The following THADA variants were observed in gnomAD, a reference collection of about 807,000 sequenced individuals.
THADA encodes the protein tRNA (32-2'-O)-methyltransferase regulator THADA.
Under a neutral mutation model 219.8 loss-of-function variants are expected in THADA, and 213 were observed. The ratio of observed to expected loss-of-function variants is 0.97; its 90% CI spans 0.87 to 1.09. The LOEUF is 1.09. THADA is among the 50% of genes least tolerant of loss of function. The pLI is 0.00. For missense variants in THADA, 2,956 were observed against 2,311.3 expected (o/e 1.28, Z -5.72); for synonymous variants, 1,018 against 828.9 (o/e 1.23, Z -3.92).
At chr2:43,270,020 C>T (rs892494884) in intron 36 of THADA, among the ~76,000 whole-genome samples, 2 of 152,190 alleles carry the variant, frequency 1.3e-5, no homozygotes, top group East Asian at 3.8e-4. Flanking sequence ...ATCTTCTCTG[C>T]CCTTACCCCA....
chr2:43,279,904 G>T lies in THADA; in HGVS notation c.5165-8C>A. On this transcript the variant is annotated splice_polypyrimidine_tract_variant and splice_region_variant and intron_variant, in intron 35 of 37. Transcript: ENST00000405975. Reference sequence around the variant, plus strand: ...CAAGTGTATCCTGCAACTCTAAGAAGACCAAAAGGAATCTGAATTACCTAG... The same window carrying T: ...CAAGTGTATCCTGCAACTCTAAGAATACCAAAAGGAATCTGAATTACCTAG... 1 of 1,506,668 alleles carries T rather than the reference G, an allele frequency of 6.6e-7. No homozygotes were observed. The highest frequency in any genetic ancestry group is 1.4e-5 in the African/African-American group (1 of 70,052). The allele number at this position is 1,506,668 out of a possible 1,614,324, so 93.3% of individuals were successfully genotyped here.
At chr2:43,515,308 A>T (rs1691518902) in intron 22 of THADA, among the ~76,000 whole-genome samples, 1 of 53,318 alleles carries the variant, frequency 1.9e-5, no homozygotes, top group Non-Finnish European at 3.2e-5. Context: ...AATATGTAAT[A>T]TATAATATTT....
intron 29 of THADA, among the ~76,000 whole-genome samples, chr2:43,384,908 A>G (rs904226688): frequency 3.3e-5 from 5 of 151,650 alleles, no homozygotes; most frequent in Non-Finnish European, 5.9e-5. Flanking sequence ...GGGAGGCCGA[A>G]GACATGCAGA....
rs7565068 is a variant in THADA at position 43,380,837 on chromosome 2, G to A, written c.4227+17134C>T. Among the ~76,000 whole-genome samples, 514 of 152,198 alleles carry A rather than the reference G, an allele frequency of 3.4e-3. 6 individuals carry two copies. Among genetic ancestry groups the A allele is most frequent in the South Asian group, 0.016 (78 of 4,820 alleles). Reference sequence around the variant, plus strand: ...AAAATGGCTGGATGCGGTGGCTCACGCCTGTAATCCCAGCACTTTGGGAGG... The same window carrying A: ...AAAATGGCTGGATGCGGTGGCTCACACCTGTAATCCCAGCACTTTGGGAGG... On this transcript the variant is annotated intron_variant, in intron 29 of 37. Transcript: ENST00000405975.
intron 29 of THADA, among the ~76,000 whole-genome samples, chr2:43,344,813 G>A (rs942462037): frequency 8.6e-5 from 13 of 150,832 alleles, no homozygotes; most frequent in East Asian, 1.9e-4. Flanking sequence ...AGGAGTGAAT[G>A]CAGCAATGCA....
At chr2:43,339,203 A>G (rs972614886) in intron 30 of THADA, among the ~76,000 whole-genome samples, 1 of 152,236 alleles carries the variant, frequency 6.6e-6, no homozygotes, top group Non-Finnish European at 1.5e-5. Context: ...GCACACAACA[A>G]TGAAGGGGAA....
intron 29 of THADA, among the ~76,000 whole-genome samples, chr2:43,371,595 A>G (rs1255379087): frequency 6.6e-6 from 1 of 152,192 alleles, no homozygotes; most frequent in Non-Finnish European, 1.5e-5. Context: ...CAAAACATGC[A>G]TTCTTTTCTT....
chr2:43,245,921 C>T (rs1269274656), intron 36 of THADA, among the ~76,000 whole-genome samples: 1 of 152,004 alleles, frequency 6.6e-6, no homozygotes, highest in African/African-American at 2.4e-5. Context: ...TATGCAGAAT[C>T]CAGAAAGTGT....
chr2:43,359,944 TC>T (rs1669321479), intron 29 of THADA, among the ~76,000 whole-genome samples: 3 of 152,054 alleles, frequency 2.0e-5, no homozygotes, highest in South Asian at 4.1e-4. Context: ...TTTTTTTTTT[TC>T]TATTATTAGA....
chr2:43,546,835 C>A (rs919673423), intron 20 of THADA, among the ~76,000 whole-genome samples: 1 of 152,150 alleles, frequency 6.6e-6, no homozygotes, highest in Non-Finnish European at 1.5e-5. Context: ...AATTTGCCAG[C>A]CTGTGTCTTT....
At chr2:43,506,319 T>C (rs1404456814) in intron 23 of THADA, among the ~76,000 whole-genome samples, 1 of 152,216 alleles carries the variant, frequency 6.6e-6, no homozygotes, top group Non-Finnish European at 1.5e-5. Context: ...CAGTAGCTTC[T>C]TACTTACTTT....
At chr2:43,269,772 GACC>G (rs548996750) in intron 36 of THADA, among the ~76,000 whole-genome samples, 3 of 152,102 alleles carry the variant, frequency 2.0e-5, no homozygotes, top group Non-Finnish European at 2.9e-5. Context: ...AGTGGGTTAG[GACC>G]ACAATTCCTA....
intron 30 of THADA, among the ~76,000 whole-genome samples, chr2:43,337,209 C>A (rs1331952438): frequency 6.6e-6 from 1 of 152,198 alleles, no homozygotes. Flanking sequence ...CAGGGGAAGA[C>A]CCCTTTTAAA....
chr2:43,356,023 G>A (rs1371021021), intron 29 of THADA, among the ~76,000 whole-genome samples: 1 of 152,196 alleles, frequency 6.6e-6, no homozygotes, highest in African/African-American at 2.4e-5. Context: ...TTATGATGTA[G>A]TGCAGAAAGT....
rs1228372254 is a variant in THADA, at chr2:43,332,556, G to A, written c.4343+11566C>T. Reference sequence around the variant, plus strand: ...GAATTGGCTTTAATTGACTGAGAATGGCTCAATGAAGGTAACAAAGGTGTT... The same window carrying A: ...GAATTGGCTTTAATTGACTGAGAATAGCTCAATGAAGGTAACAAAGGTGTT... On this transcript the variant is annotated intron_variant, in intron 30 of 37. Coordinates refer to ENST00000405975, the MANE Select transcript of THADA (RefSeq NM_022065.5). Among the ~76,000 whole-genome samples, 3 of 152,278 alleles carry A rather than the reference G, an allele frequency of 2.0e-5. No homozygotes were observed. In the South Asian group the frequency reaches 6.2e-4, roughly 32 times the overall value.
Position 43,346,046 on chromosome 2 carries a change from C to T in THADA, c.4228-1809G>A, listed in dbSNP as rs369247563. 1.1e-4 allele frequency among the ~76,000 whole-genome samples: 17 copies of T among 151,936 alleles called. No individual in the cohort carries two copies. In the East Asian group the frequency reaches 2.7e-3, roughly 24 times the overall value. On this transcript the variant is annotated intron_variant, in intron 29 of 37. Coordinates refer to ENST00000405975, the MANE Select transcript of THADA (RefSeq NM_022065.5). ...CTGGTTATTCACCAGGAATGGAGAG[C>T]GATCTATTTACACGAGACAAATGGA...
chr2:43,399,497 T>C (rs531489939), intron 28 of THADA, among the ~76,000 whole-genome samples: 2 of 152,276 alleles, frequency 1.3e-5, no homozygotes, highest in South Asian at 2.1e-4. Flanking sequence ...ACAAATAGAA[T>C]AGCCTGAGCA....
chr2:43,595,635 G>C lies in THADA; in HGVS notation c.-25+296C>G, dbSNP rs571581273. ...TGCCCAGTAAATTACACTCCTCCTA[G>C]GTCCCACTTACTGCTTCCCTTTAGA... is the stretch of plus-strand genomic sequence containing the variant. On this transcript the variant is annotated intron_variant, in intron 1 of 37. Transcript: ENST00000405975. 5 of 152,468 alleles carry C rather than the reference G, an allele frequency of 3.3e-5. No individual in the cohort carries two copies. In the East Asian group the frequency reaches 9.4e-4, roughly 29 times the overall value. 9.4% of individuals were successfully genotyped at this position (152,468 alleles called of 1,614,324 possible).
chr2:43,418,705 G>C (rs1677316709), intron 28 of THADA, among the ~76,000 whole-genome samples: 1 of 151,842 alleles, frequency 6.6e-6, no homozygotes, highest in African/African-American at 2.4e-5. Context: ...CATGCAAAGT[G>C]AAAAAGAAAA....
Sources: gnomAD v4.1 joint callset for allele counts (sites outside exome capture counted in the v4.1 genomes callset) on GRCh38, gnomAD v4.1.1 for gene constraint, MANE v1.5 for transcripts, NCBI Gene and HGNC (gene_info 2026-07-23, HGNC 2026-07-21) for gene names.